THSD7B: variants seen among roughly 807,000 people sequenced by gnomAD.
THSD7B encodes the protein thrombospondin type-1 domain-containing protein 7B.
A neutral mutation model predicts 213.6 loss-of-function variants in THSD7B; 138 were observed. The ratio of observed to expected loss-of-function variants is 0.65; its 90% CI spans 0.56 to 0.74. The LOEUF (loss-of-function observed/expected upper bound fraction) is 0.74. Ranked by LOEUF, THSD7B falls within the 30% of genes least tolerant of loss-of-function variation. The pLI is 0.00. For synonymous variants in THSD7B, 742 were observed against 687.0 expected (o/e 1.08, Z -1.25); for missense variants, 1,931 against 1,991.5 (o/e 0.97, Z 0.58).
intron 2 of THSD7B, among the ~76,000 whole-genome samples, chr2:136,974,184 T>C (rs1016939649): frequency 7.2e-5 from 11 of 152,226 alleles, no homozygotes; most frequent in African/African-American, 2.4e-4. Flanking sequence ...TATCAAAATA[T>C]ACTGTTTTAC....
intron 1 of THSD7B, among the ~76,000 whole-genome samples, chr2:136,838,191 A>C (rs1682871751): frequency 2.0e-5 from 3 of 152,172 alleles, no homozygotes; most frequent in Non-Finnish European, 4.4e-5. Flanking sequence ...ACAAGTGACC[A>C]CATTTGTTTT....
At chr2:137,459,186 T>A (rs1372315785) in intron 15 of THSD7B, among the ~76,000 whole-genome samples, 3 of 152,044 alleles carry the variant, frequency 2.0e-5, no homozygotes, top group African/African-American at 7.2e-5. Context: ...AAAAGAAATT[T>A]CCTAATATCA....
chr2:136,914,732 G>A (rs983754903), intron 2 of THSD7B, among the ~76,000 whole-genome samples: 2 of 152,138 alleles, frequency 1.3e-5, no homozygotes, highest in African/African-American at 4.8e-5. Context: ...GGCCTTCCCA[G>A]CCATGTGTAA....
At chr2:137,222,307 A>C (rs1421268823) in intron 7 of THSD7B, among the ~76,000 whole-genome samples, 1 of 152,214 alleles carries the variant, frequency 6.6e-6, no homozygotes, top group Admixed American at 6.5e-5. Flanking sequence ...GGTAAATGTC[A>C]AAAGCAGAAC....
chr2:136,939,535 C>T (rs498982), intron 2 of THSD7B, among the ~76,000 whole-genome samples: 73,490 of 151,582 alleles, frequency 0.48, 18,886 homozygotes, highest in Non-Finnish European at 0.58. Flanking sequence ...GGTTGGATCT[C>T]TCCTTTCACC....
rs772953941 is a variant in THSD7B at position 137,056,616 on chromosome 2, C to T, written c.336C>T (p.His112=). The change falls in exon 3 of 28, where the codon CAC becomes CAT. Residue 112 remains histidine, a synonymous_variant. Transcript: ENST00000409968. ...DLFQWEVSDW[H]HCVLVPYARG... ...TTCAGTGGGAGGTTTCTGACTGGCA[C>T]CACTGTGTGCTTGTTCCTTACGCTC... 5 of 1,613,824 alleles carry T rather than the reference C, an allele frequency of 3.1e-6. No homozygotes were observed. The highest frequency in any genetic ancestry group is 2.2e-5 in the East Asian group (1 of 44,860).
chr2:136,929,491 GT>G (rs779254677), intron 2 of THSD7B, among the ~76,000 whole-genome samples: 1 of 152,072 alleles, frequency 6.6e-6, no homozygotes, highest in East Asian at 1.9e-4. Flanking sequence ...ATCTTAGTAG[GT>G]TTTAGGTTCT....
At chr2:137,441,169 A>G (rs956138595) in intron 14 of THSD7B, among the ~76,000 whole-genome samples, 1 of 152,112 alleles carries the variant, frequency 6.6e-6, no homozygotes, top group Non-Finnish European at 1.5e-5. Flanking sequence ...GTGGTCTTTT[A>G]GCCTAAGGGC....
At chr2:137,070,810 G>C (rs1687470126) in intron 3 of THSD7B, among the ~76,000 whole-genome samples, 1 of 152,068 alleles carries the variant, frequency 6.6e-6, no homozygotes, top group African/African-American at 2.4e-5. Context: ...AGAACATGCG[G>C]TGTTTGGTTT....
intron 12 of THSD7B, among the ~76,000 whole-genome samples, chr2:137,357,864 G>A (rs1019196914): frequency 2.6e-5 from 4 of 152,130 alleles, no homozygotes; most frequent in African/African-American, 9.7e-5. Flanking sequence ...TTCTGCAGCT[G>A]ACTCATTCAT....
chr2:137,175,443 A>G (rs183933535), intron 7 of THSD7B, among the ~76,000 whole-genome samples: 14 of 152,268 alleles, frequency 9.2e-5, no homozygotes, highest in African/African-American at 3.4e-4. Flanking sequence ...AGTGTTGCCA[A>G]AAACACTCCC....
intron 12 of THSD7B, among the ~76,000 whole-genome samples, chr2:137,283,280 C>G (rs1409505283): frequency 6.6e-6 from 1 of 152,134 alleles, no homozygotes; most frequent in Admixed American, 6.5e-5. Context: ...GCTGAAGTTG[C>G]TTATCATTTT....
At chr2:136,813,469 A>G (rs1330885902) in intron 1 of THSD7B, among the ~76,000 whole-genome samples, 1 of 143,888 alleles carries the variant, frequency 6.9e-6, no homozygotes, top group Non-Finnish European at 1.5e-5. Flanking sequence ...AAACGTATAC[A>G]CACAGAATTG....
At chr2:137,580,760 G>A (rs369721063) in intron 17 of THSD7B, among the ~76,000 whole-genome samples, 4 of 152,118 alleles carry the variant, frequency 2.6e-5, no homozygotes, top group South Asian at 2.1e-4. Flanking sequence ...CTTTTACTTC[G>A]GTGAAGTGAG....
chr2:137,489,117 A>G (rs1286666471), intron 15 of THSD7B, among the ~76,000 whole-genome samples: 1 of 152,108 alleles, frequency 6.6e-6, no homozygotes, highest in African/African-American at 2.4e-5. Flanking sequence ...AATTTGGTCT[A>G]TTGTCTCCCC....
Position 137,611,058 on chromosome 2 carries a change from C to CA in THSD7B, c.3424-5109dup, listed in dbSNP as rs575726603. Among the ~76,000 whole-genome samples, 29 of 149,146 alleles carry CA rather than the reference C, an allele frequency of 1.9e-4. No homozygotes were observed. The East Asian group carries it at 3.1e-3, about 16-fold the overall frequency. ...AAGTTATAGCTTATAGCAAAACGCA[C>CA]AAAAAAAAGACAAGCAAACCTTTAT... On this transcript the variant is annotated intron_variant, in intron 17 of 27. Transcript: ENST00000409968.
intron 2 of THSD7B, among the ~76,000 whole-genome samples, chr2:136,911,929 GGATA>G (rs1391567451): frequency 2.0e-5 from 3 of 152,142 alleles, no homozygotes; most frequent in African/African-American, 7.2e-5. Context: ...ATGGATAAAT[GGATA>G]GATGGATGGA....
At chr2:137,215,993 T>C (rs562829629) in intron 7 of THSD7B, among the ~76,000 whole-genome samples, 1 of 152,168 alleles carries the variant, frequency 6.6e-6, no homozygotes, top group Admixed American at 6.5e-5. Context: ...TCTGCCTGGG[T>C]ACTCAATTGA....
At chr2:137,450,599 A>T (rs981439794) in intron 14 of THSD7B, among the ~76,000 whole-genome samples, 8 of 152,214 alleles carry the variant, frequency 5.3e-5, no homozygotes, top group African/African-American at 1.7e-4. Context: ...AACCAGGACT[A>T]ACTGTGCACT....
Sources: allele counts gnomAD v4.1 joint callset (sites outside exome capture counted in the v4.1 genomes callset), GRCh38; gene constraint gnomAD v4.1.1; transcripts MANE v1.5; gene names NCBI Gene and HGNC (gene_info 2026-07-23, HGNC 2026-07-21).